Variants in CNTN6 observed in about 807,000 individuals in gnomAD.
CNTN6 encodes contactin-6.
A neutral mutation model predicts 122.8 loss-of-function variants in CNTN6; 137 were observed. The observed-to-expected ratio is 1.12, with a 90% CI of 0.97 to 1.29. The LOEUF is 1.29. Ranked by LOEUF, CNTN6 falls within the 50% of genes most tolerant of loss-of-function variation. The pLI, the probability that CNTN6 is intolerant of heterozygous loss-of-function variation, is 0.00. For missense variants in CNTN6, 1,634 were observed against 1,223.4 expected (o/e 1.34, Z -5.01); for synonymous variants, 570 against 426.0 (o/e 1.34, Z -4.16).
chr3:1,225,027 C>T (rs1238591548), intron 3 of CNTN6, among the ~76,000 whole-genome samples: 1 of 152,106 alleles, frequency 6.6e-6, no homozygotes, highest in Admixed American at 6.6e-5. Flanking sequence ...GGATTACAGG[C>T]GTGAACCACC....
intron 12 of CNTN6, among the ~76,000 whole-genome samples, chr3:1,370,620 C>G (rs777915255): frequency 3.3e-5 from 5 of 152,044 alleles, no homozygotes; most frequent in Non-Finnish European, 7.4e-5. Context: ...GAGGCCAAGT[C>G]AGGTGGATCA....
rs1327506839 is a variant in CNTN6 at position 1,172,950 on chromosome 3, T to C, written c.55+24887T>C. On this transcript the variant is annotated intron_variant, in intron 2 of 22. Transcript: ENST00000446702. ...TCTGCCCATTTTCACATAATGCACATGTCTTCCTACTGGAAGATCTTTCTC... is the reference window on the plus strand; with the variant it reads ...TCTGCCCATTTTCACATAATGCACACGTCTTCCTACTGGAAGATCTTTCTC... Among the ~76,000 whole-genome samples, 4 of 152,168 alleles carry C rather than the reference T, an allele frequency of 2.6e-5. No homozygotes were observed. In the East Asian group the frequency reaches 7.7e-4, roughly 29 times the overall value.
At chr3:1,202,746 G>A (rs1038829711) in intron 2 of CNTN6, among the ~76,000 whole-genome samples, 2 of 150,274 alleles carry the variant, frequency 1.3e-5, no homozygotes, top group African/African-American at 5.0e-5. Context: ...TCTCACACAG[G>A]GAATGAACCG....
At chr3:1,121,967 G>A (rs903958187) in intron 1 of CNTN6, among the ~76,000 whole-genome samples, 37 of 151,888 alleles carry the variant, frequency 2.4e-4, no homozygotes, top group African/African-American at 8.9e-4. Flanking sequence ...CCATTTTCCA[G>A]CTATTTCACT....
chr3:1,299,429 C>G (rs1696830031), intron 7 of CNTN6, among the ~76,000 whole-genome samples: 1 of 151,902 alleles, frequency 6.6e-6, no homozygotes, highest in South Asian at 2.1e-4. Flanking sequence ...ATATAGATTC[C>G]TGAAATTAAA....
chr3:1,373,724 G>C lies in CNTN6; in HGVS notation c.1907G>C (p.Arg636Pro). The C allele has an allele frequency of 6.2e-7, 1 of 1,610,364 alleles. No individual in the cohort carries two copies. Among genetic ancestry groups the C allele is most frequent in the Non-Finnish European group, 8.5e-7 (1 of 1,178,030 alleles). Residue 636 changes from arginine (R) to proline (P), a missense_variant, in exon 15 of 23, where the codon CGG (arginine) becomes CCG (proline). By Grantham distance (103) the Arg-to-Pro change is moderately radical (BLOSUM62 -2). Coordinates refer to ENST00000446702, the MANE Select transcript of CNTN6 (RefSeq NM_001289080.2). ...SPIQIFTIQT[R>P]TPFSVGWQAV... ...ATTCAAATATTTACTATTCAGACTC[G>C]GACACCATTTTCTGTGGGTTGGCAG...
intron 7 of CNTN6, among the ~76,000 whole-genome samples, chr3:1,318,016 AC>A (rs1700340098): frequency 6.6e-6 from 1 of 151,672 alleles, no homozygotes; most frequent in Admixed American, 6.6e-5. Context: ...GAATCTTATA[AC>A]CTTCTCCTTA....
At chr3:1,148,459 A>T (rs1429414571) in intron 2 of CNTN6, among the ~76,000 whole-genome samples, 1 of 143,860 alleles carries the variant, frequency 7.0e-6, no homozygotes, top group Non-Finnish European at 1.5e-5. Context: ...ATTAAAATAC[A>T]TATTTCTCTC....
intron 1 of CNTN6, among the ~76,000 whole-genome samples, chr3:1,110,724 C>T (rs138960978): frequency 6.6e-6 from 1 of 152,124 alleles, no homozygotes; most frequent in Non-Finnish European, 1.5e-5. Context: ...ACAATGTTGT[C>T]AGGATTGTGA....
chr3:1,183,027 C>T (rs1036997152), intron 2 of CNTN6, among the ~76,000 whole-genome samples: 4 of 152,046 alleles, frequency 2.6e-5, no homozygotes, highest in Admixed American at 6.6e-5. Flanking sequence ...GGCATAATTC[C>T]GCAGGCATGG....
chr3:1,157,852 C>T (rs1222099716), intron 2 of CNTN6, among the ~76,000 whole-genome samples: 1 of 152,174 alleles, frequency 6.6e-6, no homozygotes, highest in Admixed American at 6.5e-5. Context: ...CTGAATAGTA[C>T]TCCATTTTGC....
intron 4 of CNTN6, among the ~76,000 whole-genome samples, chr3:1,235,352 A>G (rs1030586967): frequency 1.3e-5 from 2 of 152,154 alleles, no homozygotes; most frequent in African/African-American, 4.8e-5. Context: ...AACATAGCAC[A>G]TAGAGATTTT....
chr3:1,370,055 C>G (rs1168796086), intron 12 of CNTN6, among the ~76,000 whole-genome samples: 4 of 151,894 alleles, frequency 2.6e-5, no homozygotes, highest in African/African-American at 9.7e-5. Context: ...GCTAATGTAA[C>G]AAACTTAATA....
chr3:1,120,010 A>T (rs978665038), intron 1 of CNTN6, among the ~76,000 whole-genome samples: 1 of 152,078 alleles, frequency 6.6e-6, no homozygotes, highest in South Asian at 2.1e-4. Context: ...TTGGACATTT[A>T]GTTCAGCACA....
chr3:1,274,946 A>T (rs561127701), intron 4 of CNTN6, among the ~76,000 whole-genome samples: 3 of 152,208 alleles, frequency 2.0e-5, no homozygotes, highest in Non-Finnish European at 4.4e-5. Flanking sequence ...ATCTTCCCAA[A>T]TGACCACCCA....
chr3:1,242,944 T>C (rs911335359), intron 4 of CNTN6, among the ~76,000 whole-genome samples: 9 of 151,886 alleles, frequency 5.9e-5, no homozygotes, highest in African/African-American at 1.9e-4. Flanking sequence ...AAGAAGGTAA[T>C]GTGGAGTGGG....
intron 4 of CNTN6, among the ~76,000 whole-genome samples, chr3:1,245,993 C>A (rs1467405158): frequency 6.6e-6 from 1 of 152,046 alleles, no homozygotes; most frequent in African/African-American, 2.4e-5. Flanking sequence ...CAAAGCCATC[C>A]TGGGTTGCAT....
intron 2 of CNTN6, among the ~76,000 whole-genome samples, chr3:1,174,523 T>G (rs1341760558): frequency 6.6e-6 from 1 of 152,214 alleles, no homozygotes; most frequent in East Asian, 1.9e-4. Context: ...CCCTGTAGAC[T>G]GAACAATGGA....
At chr3:1,298,849 G>A (rs115340914) in intron 7 of CNTN6, among the ~76,000 whole-genome samples, 1 of 152,042 alleles carries the variant, frequency 6.6e-6, no homozygotes, top group African/African-American at 2.4e-5. Flanking sequence ...AATAGTAAAA[G>A]ACTTGACTGA....
Sources: allele counts gnomAD v4.1 joint callset (sites outside exome capture counted in the v4.1 genomes callset), GRCh38; gene constraint gnomAD v4.1.1; transcripts MANE v1.5; gene names NCBI Gene and HGNC (gene_info 2026-07-23, HGNC 2026-07-21).